The following SLC26A8 variants were observed in gnomAD, a reference collection of about 807,000 sequenced individuals.
The protein encoded by SLC26A8 is solute carrier family 26 member 8, also known as testis anion transporter 1.
In SLC26A8, 70 loss-of-function variants were observed where a neutral mutation model predicts 105.0. That is an observed-to-expected ratio of 0.67 (90% CI 0.55 to 0.81). SLC26A8 has a LOEUF of 0.81. Ranked by LOEUF, SLC26A8 falls within the 40% of genes least tolerant of loss-of-function variation. The pLI is 0.00. For missense variants in SLC26A8, 998 were observed against 1,181.8 expected, an observed-to-expected ratio of 0.84 and a Z score of 2.28; for synonymous variants, 415 against 438.3, an observed-to-expected ratio of 0.95 and a Z score of 0.66.
Position 35,944,150 on chromosome 6 carries a change from G to A in SLC26A8, c.2663C>T (p.Pro888Leu), listed in dbSNP as rs767449839. Residue 888 changes from proline (P) to leucine (L), a missense_variant, in exon 20 of 20, where the codon CCC becomes CTC. Transcript: ENST00000490799. ...GGTCTTGGTCTCGGTCTCAGCCTTGGGCTCCATTTCAGGCTCCAGCTCCCG... is the reference window on the plus strand; with the variant it reads ...GGTCTTGGTCTCGGTCTCAGCCTTGAGCTCCATTTCAGGCTCCAGCTCCCG... ...LDRELEPEME[P>L]KAETETKTQT... The A allele has an allele frequency of 6.2e-7, 1 of 1,613,910 alleles. No individual in the cohort carries two copies. Among genetic ancestry groups the A allele is most frequent in the Non-Finnish European group, 8.5e-7 (1 of 1,180,018 alleles).
chr6:35,967,111 G>C (rs1256468113), intron 11 of SLC26A8, among the ~76,000 whole-genome samples: 1 of 152,144 alleles, frequency 6.6e-6, no homozygotes, highest in Non-Finnish European at 1.5e-5. Context: ...TCAGAGGACC[G>C]CTTGCGTGTC....
intron 3 of SLC26A8, among the ~76,000 whole-genome samples, chr6:36,011,791 T>A (rs545471143): frequency 2.6e-5 from 4 of 152,158 alleles, no homozygotes; most frequent in Admixed American, 1.3e-4. Context: ...TATTTTTTTG[T>A]AGAGACAGAG....
In SLC26A8 at chr6:35,981,246, G is replaced by A. The variant is rs1050948952; in HGVS notation, c.1025+875C>T. Among the ~76,000 whole-genome samples the A allele has an allele frequency of 2.6e-5, 4 of 152,164 alleles. No individual in the cohort carries two copies. The highest frequency in any genetic ancestry group is 7.2e-5 in the African/African-American group (3 of 41,434). On this transcript the variant is annotated intron_variant, in intron 8 of 19. Transcript: ENST00000490799. This position sits in a 1 kb window ranked among gnomAD's most constrained non-coding sequence, Gnocchi z 4.0. ...GAGCCATGCCTCATAGTCACTGGTAGGAATTATAATGTAAATTGATTGTGA... is the reference window on the plus strand; with the variant it reads ...GAGCCATGCCTCATAGTCACTGGTAAGAATTATAATGTAAATTGATTGTGA...
chr6:35,946,733 G>C (rs1373800017), intron 19 of SLC26A8, among the ~76,000 whole-genome samples: 1 of 152,028 alleles, frequency 6.6e-6, no homozygotes, highest in Non-Finnish European at 1.5e-5. Context: ...TGTCATCCAG[G>C]CCAGAGTGCA....
chr6:35,998,938 A>G (rs2051151050), intron 4 of SLC26A8, among the ~76,000 whole-genome samples: 1 of 152,104 alleles, frequency 6.6e-6, no homozygotes, highest in South Asian at 2.1e-4. Flanking sequence ...CTTGTTGCCC[A>G]GGCTGGAGTG....
chr6:36,018,675 C>A (rs851037), intron 2 of SLC26A8, among the ~76,000 whole-genome samples: 98,738 of 152,064 alleles, frequency 0.65, 32,656 homozygotes, highest in Middle Eastern at 0.74. Context: ...ACATATTTCA[C>A]CACAATAAAA....
At position 35,951,333 on chromosome 6, in the gene SLC26A8, C is replaced by A. The variant is rs564834835; in HGVS notation, c.2302G>T (p.Ala768Ser). 155 of 1,614,112 alleles carry A rather than the reference C, an allele frequency of 9.6e-5. 3 individuals are homozygous for A. The South Asian group carries it at 1.6e-3, about 17-fold the overall frequency. The stretch of plus-strand genomic sequence containing the variant: ...TCAAAGAAATCATTCCTCTCAAATG[C>A]CCTGACTATGGAAGCTAAAAACCAA... ...IAGCHSSIVRAFERNDFFDAG... is the reference protein window; with the variant it reads ...IAGCHSSIVRSFERNDFFDAG... Residue 768 changes from alanine to serine, a missense_variant, in exon 19 of 20, where the codon GCA becomes TCA. Physicochemically the swap from Ala to Ser is moderately conservative, Grantham distance 99 (BLOSUM62 1). Coordinates refer to ENST00000490799, the MANE Select transcript of SLC26A8 (RefSeq NM_052961.4).
chr6:35,983,840 C>T (rs1274847841), intron 7 of SLC26A8, among the ~76,000 whole-genome samples: 4 of 152,114 alleles, frequency 2.6e-5, no homozygotes, highest in African/African-American at 7.2e-5. Flanking sequence ...CAGGCGTGAG[C>T]CACTGTGCCT....
intron 10 of SLC26A8, among the ~76,000 whole-genome samples, chr6:35,973,577 A>G (rs1006670157): frequency 1.3e-5 from 2 of 151,800 alleles, no homozygotes; most frequent in South Asian, 2.1e-4. Flanking sequence ...CTCATCAGCT[A>G]TTGTTAGAAT....
intron 7 of SLC26A8, among the ~76,000 whole-genome samples, chr6:35,984,319 ATTTT>A (rs59314649): frequency 0.39 from 45,176 of 116,486 alleles, 7,789 homozygotes; most frequent in Middle Eastern, 0.51. Flanking sequence ...TCTTCTTCTT[ATTTT>A]TTTTTTTTTT....
chr6:35,968,848 G>T, intron 11 of SLC26A8, 29 bp downstream of exon 11: 1 of 1,554,962 alleles, frequency 6.4e-7, no homozygotes, highest in South Asian at 1.1e-5. Context: ...GGTCGTTGTT[G>T]ACTTAGTTAT....
At chr6:35,964,191 G>A (rs912443947) in intron 11 of SLC26A8, among the ~76,000 whole-genome samples, 4 of 152,122 alleles carry the variant, frequency 2.6e-5, no homozygotes, top group African/African-American at 9.7e-5. Flanking sequence ...CCCAGTGAAA[G>A]AGCAAGACCC....
intron 2 of SLC26A8, among the ~76,000 whole-genome samples, chr6:36,012,629 A>T (rs1244803055): frequency 6.6e-6 from 1 of 152,212 alleles, no homozygotes; most frequent in Non-Finnish European, 1.5e-5. Flanking sequence ...GTGACAGCTA[A>T]CAATAACAAT....
intron 10 of SLC26A8, among the ~76,000 whole-genome samples, chr6:35,973,832 T>C (rs2127319073): frequency 6.6e-6 from 1 of 152,342 alleles, no homozygotes; most frequent in East Asian, 1.9e-4. Flanking sequence ...GCTACACCTT[T>C]TACTATGTTT....
chr6:36,016,754 A>G (rs1273667197), intron 2 of SLC26A8, among the ~76,000 whole-genome samples: 3 of 152,248 alleles, frequency 2.0e-5, no homozygotes, highest in Non-Finnish European at 4.4e-5. Flanking sequence ...GAATATCTAC[A>G]TGTAAAAGAA....
intron 11 of SLC26A8, among the ~76,000 whole-genome samples, chr6:35,963,905 T>C (rs1772405291): frequency 6.6e-6 from 1 of 152,214 alleles, no homozygotes; most frequent in South Asian, 2.1e-4. Flanking sequence ...TCAAATTAAA[T>C]GAGCAAATTT....
Position 35,955,335 on chromosome 6 carries a change from A to G in SLC26A8, c.2049T>C (p.Val683=), listed in dbSNP as rs758226738. The G allele has an allele frequency of 1.9e-6, 3 of 1,614,188 alleles. No individual in the cohort carries two copies. The highest frequency in any genetic ancestry group is 2.2e-5 in the South Asian group (2 of 91,074). The change falls in exon 17 of 20, where the codon GTT becomes GTC. Residue 683 remains valine, a synonymous_variant. Transcript: ENST00000490799. ...TTCTTGATGAGTTATTAGGAAGCCA[A>G]ACTTCCTCCACCTCCTCATACTGTT... ...QGQQYEEVEE[V]WLPNNSSRNS... is the part of the protein sequence containing the mutation.
At chr6:36,007,527 A>G (rs1191565665) in intron 3 of SLC26A8, among the ~76,000 whole-genome samples, 1 of 152,242 alleles carries the variant, frequency 6.6e-6, no homozygotes, top group Non-Finnish European at 1.5e-5. Context: ...TTCCTGAAAT[A>G]ATCTATAGAT....
chr6:35,984,037 T>C (rs1432380705), intron 7 of SLC26A8, among the ~76,000 whole-genome samples: 1 of 152,202 alleles, frequency 6.6e-6, no homozygotes, highest in Admixed American at 6.5e-5. Context: ...TTTCTAGTTC[T>C]ACCCTGCATC....
Sources: gnomAD v4.1 joint callset for allele counts (sites outside exome capture counted in the v4.1 genomes callset) on GRCh38, gnomAD v4.1.1 for gene constraint, Gnocchi (gnomAD v3.1) non-coding constraint, MANE v1.5 for transcripts, NCBI Gene and HGNC (gene_info 2026-07-23, HGNC 2026-07-21) for gene names.